NOVA1: variants seen among roughly 807,000 people sequenced by gnomAD.
The protein encoded by NOVA1 is NOVA alternative splicing regulator 1.
A neutral mutation model predicts 38.0 loss-of-function variants in NOVA1; 7 were observed. The observed-to-expected ratio is 0.18, with a 90% CI of 0.10 to 0.35. The LOEUF is 0.35. Ranked by LOEUF, NOVA1 falls within the 10% of genes least tolerant of loss-of-function variation. The pLI, the probability that NOVA1 is intolerant of heterozygous loss-of-function variation, is 1.00. For missense variants in NOVA1, 460 were observed against 616.0 expected, an observed-to-expected ratio of 0.75 and a Z score of 2.68; for synonymous variants, 270 against 232.5, an observed-to-expected ratio of 1.16 and a Z score of -1.47.
chr14:26,587,743 T>G (rs1015330107), intron 2 of NOVA1, among the ~76,000 whole-genome samples: 4 of 151,278 alleles, frequency 2.6e-5, no homozygotes, highest in Admixed American at 2.6e-4. Flanking sequence ...GCTACAGTTC[T>G]TCTAAAATAT....
intron 3 of NOVA1, among the ~76,000 whole-genome samples, chr14:26,473,720 T>C (rs1288980347): frequency 6.6e-6 from 1 of 151,978 alleles, no homozygotes; most frequent in Non-Finnish European, 1.5e-5. Context: ...TTTTACATAG[T>C]CCACTCCTCA....
chr14:26,462,556 A>G (rs1330177745), intron 4 of NOVA1, among the ~76,000 whole-genome samples: 1 of 152,234 alleles, frequency 6.6e-6, no homozygotes, highest in African/African-American at 2.4e-5. Flanking sequence ...ATATAAAGCT[A>G]GAGTTGAGTA....
chr14:26,535,635 C>T (rs1305613335), intron 2 of NOVA1, among the ~76,000 whole-genome samples: 1 of 152,038 alleles, frequency 6.6e-6, no homozygotes, highest in Non-Finnish European at 1.5e-5. Flanking sequence ...AAATTACTAT[C>T]AGCAGAAACA....
chr14:26,476,308 A>AT (rs1473382892), intron 3 of NOVA1, among the ~76,000 whole-genome samples: 2 of 152,296 alleles, frequency 1.3e-5, no homozygotes, highest in South Asian at 4.1e-4. Flanking sequence ...AACAAACAGC[A>AT]TAAGTGACTT....
intron 3 of NOVA1, among the ~76,000 whole-genome samples, chr14:26,478,126 A>G (rs1885137428): frequency 6.6e-6 from 1 of 151,954 alleles, no homozygotes; most frequent in Non-Finnish European, 1.5e-5. Context: ...AAGTTAAATA[A>G]CATCCAAAAA....
intron 2 of NOVA1, among the ~76,000 whole-genome samples, chr14:26,573,119 T>C (rs955962273): frequency 2.6e-5 from 4 of 152,058 alleles, no homozygotes; most frequent in Admixed American, 1.3e-4. Flanking sequence ...CATAAAAATG[T>C]CTGAGATAGT....
chr14:26,558,296 C>A (rs1001487175), intron 2 of NOVA1, among the ~76,000 whole-genome samples: 5 of 151,960 alleles, frequency 3.3e-5, no homozygotes, highest in Admixed American at 6.6e-5. Flanking sequence ...ACCAACTGTA[C>A]CACACTAATT....
intron 2 of NOVA1, among the ~76,000 whole-genome samples, chr14:26,499,179 CAG>C (rs1887067236): frequency 2.0e-5 from 3 of 152,096 alleles, no homozygotes; most frequent in South Asian, 2.1e-4. Flanking sequence ...GCTCTTGCCA[CAG>C]GGGGCGAAAT....
intron 2 of NOVA1, among the ~76,000 whole-genome samples, chr14:26,496,469 T>G (rs2138382798): frequency 6.6e-6 from 1 of 152,220 alleles, no homozygotes; most frequent in South Asian, 2.1e-4. Context: ...TGGTAGTTTC[T>G]TTTGCTGTGC....
intron 2 of NOVA1, among the ~76,000 whole-genome samples, chr14:26,498,909 A>G (rs1037551794): frequency 6.6e-6 from 1 of 152,226 alleles, no homozygotes; most frequent in African/African-American, 2.4e-5. Flanking sequence ...GAATTGGAGA[A>G]TATTATGCTA....
intron 2 of NOVA1, among the ~76,000 whole-genome samples, chr14:26,580,639 C>G (rs1039267119): frequency 1.3e-5 from 2 of 152,122 alleles, no homozygotes; most frequent in Non-Finnish European, 2.9e-5. Flanking sequence ...AAAACTCATT[C>G]TTATCTATAA....
At chr14:26,572,990 T>C (rs1390515803) in intron 2 of NOVA1, among the ~76,000 whole-genome samples, 1 of 152,084 alleles carries the variant, frequency 6.6e-6, no homozygotes, top group Non-Finnish European at 1.5e-5. Context: ...GCTGAACATA[T>C]GACTTAAGCA....
At position 26,553,935 on chromosome 14, in the gene NOVA1, C is replaced by T. The variant is rs1489294653; in HGVS notation, c.280+41475G>A. ...GCTGAGGTGGGCGGATCACTTGAGGCCCCGGTTCAATATCAGCCTGGCCTA... is the reference window on the plus strand; with the variant it reads ...GCTGAGGTGGGCGGATCACTTGAGGTCCCGGTTCAATATCAGCCTGGCCTA... On this transcript the variant is annotated intron_variant, in intron 2 of 4. Transcript: ENST00000539517. Among the ~76,000 whole-genome samples the T allele has an allele frequency of 3.3e-5, 5 of 151,614 alleles. No homozygotes were observed. The East Asian group carries it at 7.8e-4, about 24-fold the overall frequency.
chr14:26,523,714 T>C (rs1889070888), intron 2 of NOVA1, among the ~76,000 whole-genome samples: 1 of 151,164 alleles, frequency 6.6e-6, no homozygotes. Context: ...ATATCATTCT[T>C]TTTTTTTTCT....
chr14:26,462,113 T>C (rs1247511901), intron 4 of NOVA1, among the ~76,000 whole-genome samples: 3 of 152,150 alleles, frequency 2.0e-5, no homozygotes, highest in African/African-American at 7.2e-5. Context: ...AAGCGTATAG[T>C]GTTTATAGTC....
intron 2 of NOVA1, among the ~76,000 whole-genome samples, chr14:26,561,223 C>T (rs1047679140): frequency 2.6e-5 from 4 of 152,152 alleles, no homozygotes; most frequent in Admixed American, 6.5e-5. Context: ...GGCCACAGAC[C>T]GGACCAGAGC....
intron 2 of NOVA1, among the ~76,000 whole-genome samples, chr14:26,505,987 G>C (rs1887615168): frequency 6.6e-6 from 1 of 151,994 alleles, no homozygotes; most frequent in Non-Finnish European, 1.5e-5. Context: ...GATACATTTA[G>C]TGAAATTTAA....
At chr14:26,534,921 T>TC (rs1338617590) in intron 2 of NOVA1, among the ~76,000 whole-genome samples, 1 of 152,126 alleles carries the variant, frequency 6.6e-6, no homozygotes, top group Non-Finnish European at 1.5e-5. Context: ...AAGGGATTCT[T>TC]CCCTAGTGCC....
chr14:26,505,668 A>C (rs1887594150), intron 2 of NOVA1, among the ~76,000 whole-genome samples: 1 of 152,192 alleles, frequency 6.6e-6, no homozygotes, highest in Non-Finnish European at 1.5e-5. Context: ...TATATGCCTG[A>C]TAATATATAC....
Sources: gnomAD v4.1 joint callset for allele counts (sites outside exome capture counted in the v4.1 genomes callset) on GRCh38, gnomAD v4.1.1 for gene constraint, MANE v1.5 for transcripts, NCBI Gene and HGNC (gene_info 2026-07-23, HGNC 2026-07-21) for gene names.